The following ZDHHC8 variants were observed in gnomAD, a reference collection of about 807,000 sequenced individuals.
ZDHHC8 encodes the protein palmitoyltransferase ZDHHC8.
In ZDHHC8, 24 loss-of-function variants were observed where a neutral mutation model predicts 61.2. The ratio of observed to expected loss-of-function variants is 0.39; its 90% CI spans 0.28 to 0.55. ZDHHC8 has a LOEUF of 0.55. Ranked by LOEUF, ZDHHC8 falls within the 20% of genes least tolerant of loss-of-function variation. ZDHHC8 has a pLI of 0.60. For missense variants in ZDHHC8, 935 were observed against 1,102.1 expected (o/e 0.85, Z 2.15); for synonymous variants, 523 against 492.5 (o/e 1.06, Z -0.82).
At chr22:20,137,233 G>A (rs2050429093) in intron 1 of ZDHHC8, among the ~76,000 whole-genome samples, 1 of 152,200 alleles carries the variant, frequency 6.6e-6, no homozygotes, top group South Asian at 2.1e-4. Context: ...TGTCCAGCCC[G>A]CCTGGTGTGG....
chr22:20,141,099 T>G, intron 7 of ZDHHC8, 87 bp downstream of exon 7: 1 of 1,595,282 alleles, frequency 6.3e-7, no homozygotes, highest in Non-Finnish European at 8.5e-7. Flanking sequence ...AAGAGGTGGA[T>G]GGGGCAGACA....
chr22:20,132,295 C>T lies in ZDHHC8; in HGVS notation c.104+244C>T, dbSNP rs148800702. Among the ~76,000 whole-genome samples, 313 of 152,316 alleles carry T rather than the reference C, an allele frequency of 2.1e-3. 2 individuals are homozygous for T. Among genetic ancestry groups the T allele is most frequent in the Non-Finnish European group, 3.2e-3 (216 of 67,992 alleles). On this transcript the variant is annotated intron_variant, in intron 1 of 10. Coordinates refer to ENST00000334554, the MANE Select transcript of ZDHHC8 (RefSeq NM_013373.4). ...GGACACCAGTGCGGGCTGGGCACCTCGGGAGTGTCCAGGCAGGCCCTGGCG... is the reference window on the plus strand; with the variant it reads ...GGACACCAGTGCGGGCTGGGCACCTTGGGAGTGTCCAGGCAGGCCCTGGCG...
rs577636969 is a variant in ZDHHC8 at position 20,147,273 on chromosome 22, G to C, written c.*1873G>C. The C allele has an allele frequency of 7.1e-7, 1 of 1,404,266 alleles. No homozygotes were observed. Among genetic ancestry groups the C allele is most frequent in the Non-Finnish European group, 9.3e-7 (1 of 1,077,944 alleles). The allele number at this position is 1,404,266 out of a possible 1,614,324, so 87.0% of individuals were successfully genotyped here. A position where few individuals can be genotyped will look rare whatever the true frequency, so the allele number is the denominator to read the frequency against. On this transcript the variant is annotated 3_prime_UTR_variant, in exon 11 of 11. Coordinates refer to ENST00000334554, the MANE Select transcript of ZDHHC8 (RefSeq NM_013373.4). ...CGGCTCTGGGGCCCAGGACAGCCCA[G>C]CTGGGGACCCAGGAGGTCAGACTGC...
rs374860693 is a variant in ZDHHC8, at chr22:20,143,658, G to C, written c.2028G>C (p.Pro676=). ...CTGCACGCCAGGGCCTGCCCTCCCC[G>C]CCCGGCACTCCCCACTCACCATCCT... ...RSPARQGLPS[P]PGTPHSPSYA... The change falls in exon 10 of 11, where the codon CCG becomes CCC. Residue 676 remains proline, a synonymous_variant. Transcript: ENST00000334554. The C allele has an allele frequency of 6.2e-7, 1 of 1,607,968 alleles. No homozygotes were observed. Among genetic ancestry groups the C allele is most frequent in the Non-Finnish European group, 8.5e-7 (1 of 1,179,118 alleles).
Position 20,140,902 on chromosome 22 carries a change from G to T in ZDHHC8, c.784G>T (p.Ala262Ser). Reference protein sequence around the residue: ...YVVEPPRLPLAVSLKPPFLRP... With the variant: ...YVVEPPRLPLSVSLKPPFLRP... The stretch of plus-strand genomic sequence containing the variant: ...GGTGGAGCCACCCCGGCTGCCGCTC[G>T]CGGTGAGTTTGAAGCCGCCTTTCCT... The change falls in exon 7 of 11, where the codon GCG becomes TCG. Residue 262 changes from alanine (A) to serine (S), a missense_variant. Around this residue, in one of 3 missense-constraint regions of ZDHHC8, gnomAD observed 692 missense variants for 731.4 expected, o/e 0.95. Transcript: ENST00000334554. The T allele has an allele frequency of 1.2e-6, 2 of 1,605,436 alleles. No homozygotes were observed. Among genetic ancestry groups the T allele is most frequent in the Non-Finnish European group, 8.5e-7 (1 of 1,179,960 alleles).
chr22:20,138,099 G>A lies in ZDHHC8; in HGVS notation c.105-1095G>A, dbSNP rs2050436692. ...GGGCGGCGGGGCTGGCTCTTGGCCA[G>A]GCGGGCGTGGGTGCAGCAGCGTGGC... On this transcript the variant is annotated intron_variant, in intron 1 of 10. Transcript: ENST00000334554. Among the ~76,000 whole-genome samples, 3 of 152,270 alleles carry A rather than the reference G, an allele frequency of 2.0e-5. No homozygotes were observed. The East Asian group carries it at 5.8e-4, about 29-fold the overall frequency.
rs767162620 is a variant in ZDHHC8, at chr22:20,139,524, C to T, written c.273C>T (p.Tyr91=). The change falls in exon 3 of 11, where the codon TAC becomes TAT. Residue 91 remains tyrosine, a synonymous_variant. Transcript: ENST00000334554. ...AGGACGACTTCCGGGCTCCGCTGTACAAGAACGTGGATGTGCGAGGTATCC... is the reference window on the plus strand; with the variant it reads ...AGGACGACTTCCGGGCTCCGCTGTATAAGAACGTGGATGTGCGAGGTATCC... ...DKEDDFRAPL[Y]KNVDVRGIQV... 6.2e-7 allele frequency: 1 copy of T among 1,613,622 alleles called. No homozygotes were observed. The highest frequency in any genetic ancestry group is 1.1e-5 in the South Asian group (1 of 91,090).
intron 10 of ZDHHC8, 107 bp from the exon 11 acceptor site, chr22:20,145,122 C>T: frequency 9.2e-7 from 1 of 1,081,552 alleles, no homozygotes; most frequent in Middle Eastern, 3.4e-4. Flanking sequence ...AACTCGGCTG[C>T]ACTAGTCCAC....
intron 10 of ZDHHC8, among the ~76,000 whole-genome samples, chr22:20,145,014 T>C (rs1056218219): frequency 1.3e-5 from 2 of 152,116 alleles, no homozygotes; most frequent in African/African-American, 4.8e-5. Context: ...GTCTGTCCTG[T>C]GACAGCACAG....
chr22:20,139,380 A>C (rs2050447204), intron 2 of ZDHHC8, 65 bp downstream of exon 2: 2 of 1,600,888 alleles, frequency 1.2e-6, no homozygotes, highest in African/African-American at 2.7e-5. Context: ...AACTTGAGAC[A>C]GCCTTAGGGA....
intron 1 of ZDHHC8, among the ~76,000 whole-genome samples, chr22:20,138,215 C>T (rs993737137): frequency 6.6e-6 from 1 of 152,186 alleles, no homozygotes; most frequent in Non-Finnish European, 1.5e-5. Context: ...CCCCACTAGC[C>T]CCCCGACTAT....
intron 5 of ZDHHC8, 79 bp downstream of exon 5, chr22:20,140,296 G>A (rs1355282895): frequency 1.4e-6 from 2 of 1,401,334 alleles, no homozygotes; most frequent in South Asian, 1.3e-5. Flanking sequence ...GGGGGCTGGG[G>A]CACCCTTGCC....
In ZDHHC8 at chr22:20,145,814, C is replaced by T. The variant is rs11556522; in HGVS notation, c.*414C>T. Reference sequence around the variant, plus strand: ...CAGAGATGGACAGAGGCACCCAGGGCCCCCACCGTCCTTCTGACACAGCCT... The same window carrying T: ...CAGAGATGGACAGAGGCACCCAGGGTCCCCACCGTCCTTCTGACACAGCCT... On this transcript the variant is annotated 3_prime_UTR_variant, in exon 11 of 11. Coordinates refer to ENST00000334554, the MANE Select transcript of ZDHHC8 (RefSeq NM_013373.4). 6.1e-6 allele frequency: 6 copies of T among 988,312 alleles called. No homozygotes were observed. The highest frequency in any genetic ancestry group is 7.2e-6 in the Non-Finnish European group (6 of 832,002). 61.2% of individuals were successfully genotyped at this position (988,312 alleles called of 1,614,324 possible).
At chr22:20,142,708 C>T (rs748883022) in intron 9 of ZDHHC8, 48 bp from the exon 10 acceptor site, 2 of 1,606,328 alleles carry the variant, frequency 1.2e-6, no homozygotes, top group South Asian at 1.1e-5. Flanking sequence ...CTGGCGGCTG[C>T]AGGCGGGGTG....
chr22:20,131,820 TCCG>T lies in ZDHHC8; in HGVS notation c.-105_-103del, dbSNP rs545014283. On this transcript the variant is annotated 5_prime_UTR_variant, in exon 1 of 11. Transcript: ENST00000334554. The stretch of plus-strand genomic sequence containing the variant: ...CCGCCGCCCGTGGGGTGGGATTTCC[TCCG>T]CCGCCGCCGCCGCCGCCGCCGCGGG... 639 of 257,644 alleles carry T rather than the reference TCCG, an allele frequency of 2.5e-3. No individual in the cohort carries two copies. The highest frequency in any genetic ancestry group is 3.4e-3 in the Non-Finnish European group (574 of 168,448). 16.0% of individuals were successfully genotyped at this position (257,644 alleles called of 1,614,324 possible).
Position 20,147,322 on chromosome 22 carries a change from G to C in ZDHHC8, c.*1922G>C. Reference sequence around the variant, plus strand: ...GCAGTGGACCCTGGGGCAGGGCTGGGGGTGGGCTGGGCTCTCTGCTCCACC... The same window carrying C: ...GCAGTGGACCCTGGGGCAGGGCTGGCGGTGGGCTGGGCTCTCTGCTCCACC... On this transcript the variant is annotated 3_prime_UTR_variant, in exon 11 of 11. Transcript: ENST00000334554. 1 of 1,275,828 alleles carries C rather than the reference G, an allele frequency of 7.8e-7. No homozygotes were observed. Among genetic ancestry groups the C allele is most frequent in the Non-Finnish European group, 1.0e-6 (1 of 970,438 alleles). 79.0% of individuals were successfully genotyped at this position (1,275,828 alleles called of 1,614,324 possible).
Position 20,145,719 on chromosome 22 carries a change from C to T in ZDHHC8, c.*319C>T, listed in dbSNP as rs1602578133. 2.9e-6 allele frequency: 3 copies of T among 1,025,170 alleles called. No individual in the cohort carries two copies. The highest frequency in any genetic ancestry group is 3.4e-5 in the African/African-American group (2 of 58,824). 63.5% of individuals were successfully genotyped at this position (1,025,170 alleles called of 1,614,324 possible). A position where few individuals can be genotyped will look rare whatever the true frequency, so the allele number is the denominator to read the frequency against. On this transcript the variant is annotated 3_prime_UTR_variant, in exon 11 of 11. Transcript: ENST00000334554. Reference sequence around the variant, plus strand: ...GCACCCTCTCTCAGCCAGGCTTGGCCCACTGCCATCACCCAGCACCCCAGA... The same window carrying T: ...GCACCCTCTCTCAGCCAGGCTTGGCTCACTGCCATCACCCAGCACCCCAGA...
Position 20,145,370 on chromosome 22 carries a change from G to A in ZDHHC8, c.2268G>A (p.Val756=). ...CGCTGGTTAAGAAGGTGTCCGGCGT[G>A]GGTGGGACCACCTACGAGATCTCGG... ...RHTLVKKVSG[V]GGTTYEISV is the part of the protein sequence containing the mutation. The change falls in exon 11 of 11, where the codon GTG becomes GTA. Residue 756 remains valine (V), a synonymous_variant. Coordinates refer to ENST00000334554, the MANE Select transcript of ZDHHC8 (RefSeq NM_013373.4). 1 of 1,572,658 alleles carries A rather than the reference G, an allele frequency of 6.4e-7. No individual in the cohort carries two copies. Among genetic ancestry groups the A allele is most frequent in the Non-Finnish European group, 8.6e-7 (1 of 1,160,032 alleles).
chr22:20,135,314 A>T (rs2050410423), intron 1 of ZDHHC8, among the ~76,000 whole-genome samples: 1 of 151,998 alleles, frequency 6.6e-6, no homozygotes, highest in Non-Finnish European at 1.5e-5. Context: ...GTATAATGCT[A>T]GGCTGGGTCA....
Sources: gnomAD v4.1 joint callset for allele counts (sites outside exome capture counted in the v4.1 genomes callset) on GRCh38, gnomAD v4.1.1 for gene constraint, gnomAD v4.1.1 regional missense constraint, MANE v1.5 for transcripts, NCBI Gene and HGNC (gene_info 2026-07-23, HGNC 2026-07-21) for gene names.